The following CLNK variants were observed in gnomAD, a reference collection of about 807,000 sequenced individuals.
The protein encoded by CLNK is cytokine-dependent hematopoietic cell linker.
Under a neutral mutation model 68.6 loss-of-function variants are expected in CLNK, and 74 were observed. The observed-to-expected ratio is 1.08, with a 90% CI of 0.89 to 1.31. CLNK has a LOEUF of 1.31. Among genes scored for constraint, CLNK ranks in the 50% most tolerant of loss-of-function variants. CLNK has a pLI of 0.00. For missense variants in CLNK, 553 were observed against 515.3 expected (o/e 1.07, Z -0.71); for synonymous variants, 198 against 172.2 (o/e 1.15, Z -1.17).
intron 5 of CLNK, among the ~76,000 whole-genome samples, chr4:10,570,045 G>A (rs2108826809): frequency 6.6e-6 from 1 of 152,316 alleles, no homozygotes; most frequent in Non-Finnish European, 1.5e-5. Flanking sequence ...AGGGAGAGAA[G>A]GTGTCTCGGT....
intron 3 of CLNK, among the ~76,000 whole-genome samples, chr4:10,596,188 G>A (rs1721377360): frequency 1.3e-5 from 2 of 152,116 alleles, no homozygotes; most frequent in Admixed American, 1.3e-4. Flanking sequence ...ACCACATCTG[G>A]CTACTTTTGT....
At chr4:10,490,962 G>C (rs573293830) in intron 18 of CLNK, among the ~76,000 whole-genome samples, 1 of 151,978 alleles carries the variant, frequency 6.6e-6, no homozygotes, top group Non-Finnish European at 1.5e-5. Flanking sequence ...ACAGGGTTTC[G>C]CCATGTTGGC....
the CLNK span, among the ~76,000 whole-genome samples, chr4:10,703,906 A>G: frequency 6.6e-6 from 1 of 152,200 alleles, no homozygotes; most frequent in African/African-American, 2.4e-5. Flanking sequence ...TTGTTGACCA[A>G]AATGTCATGT....
At chr4:10,573,106 G>A (rs920465858) in intron 4 of CLNK, among the ~76,000 whole-genome samples, 4 of 152,136 alleles carry the variant, frequency 2.6e-5, no homozygotes, top group Admixed American at 2.0e-4. Flanking sequence ...TGGGATTGCA[G>A]GTATGAGCCA....
chr4:10,520,724 C>G, intron 15 of CLNK, 67 bp downstream of exon 15: 2 of 1,241,874 alleles, frequency 1.6e-6, no homozygotes, highest in Non-Finnish European at 2.3e-6. Context: ...ACAGCTAAGT[C>G]ACAGTGCCAC....
intron 2 of CLNK, among the ~76,000 whole-genome samples, chr4:10,619,820 A>T (rs1722364073): frequency 6.6e-6 from 1 of 152,168 alleles, no homozygotes; most frequent in Admixed American, 6.5e-5. Context: ...TATTTTACAG[A>T]TGAAGAAACT....
chr4:10,507,410 C>T (rs1177529192), intron 17 of CLNK, among the ~76,000 whole-genome samples: 1 of 151,556 alleles, frequency 6.6e-6, no homozygotes, highest in African/African-American at 2.4e-5. Flanking sequence ...CGCATCCGGT[C>T]CTCTCCATGT....
At chr4:10,593,801 C>A (rs531384222) in intron 3 of CLNK, among the ~76,000 whole-genome samples, 1 of 152,270 alleles carries the variant, frequency 6.6e-6, no homozygotes, top group South Asian at 2.1e-4. Context: ...GTGCTAGTGG[C>A]AGAAAGGAAG....
intron 2 of CLNK, among the ~76,000 whole-genome samples, chr4:10,634,445 T>C (rs1176520745): frequency 6.6e-6 from 1 of 152,184 alleles, no homozygotes; most frequent in Non-Finnish European, 1.5e-5. Flanking sequence ...ATTAGTTCTC[T>C]TTATTTCATT....
At chr4:10,707,935 C>T in the CLNK span, among the ~76,000 whole-genome samples, 262 of 152,230 alleles carry the variant, frequency 1.7e-3, 1 homozygote, top group African/African-American at 6.2e-3. Flanking sequence ...ATGTCTTAGA[C>T]CCAAAATAGT....
the CLNK span, among the ~76,000 whole-genome samples, chr4:10,717,522 GGA>G: frequency 3.3e-5 from 5 of 152,124 alleles, no homozygotes; most frequent in Admixed American, 3.3e-4. Flanking sequence ...CTTGAACCCG[GGA>G]GGCAGAGGTT....
chr4:10,494,785 A>C (rs902229236), intron 18 of CLNK, among the ~76,000 whole-genome samples: 11 of 152,118 alleles, frequency 7.2e-5, no homozygotes, highest in African/African-American at 2.7e-4. Context: ...TTGGTTTCTA[A>C]TGATGGGGTC....
intron 4 of CLNK, among the ~76,000 whole-genome samples, chr4:10,575,066 C>T (rs542093492): frequency 4.1e-4 from 63 of 152,258 alleles, no homozygotes; most frequent in African/African-American, 1.4e-3. Flanking sequence ...GTTTTGTCTG[C>T]AGCTTGTCCT....
chr4:10,592,545 G>A (rs1721217723), intron 3 of CLNK, among the ~76,000 whole-genome samples: 1 of 150,982 alleles, frequency 6.6e-6, no homozygotes, highest in South Asian at 2.1e-4. Context: ...TAAGTATCTA[G>A]TAAGTGCCAG....
chr4:10,592,715 G>GTTTATTTA (rs563878191), intron 3 of CLNK, among the ~76,000 whole-genome samples: 1 of 146,394 alleles, frequency 6.8e-6, no homozygotes, highest in African/African-American at 2.5e-5. Context: ...TTGTTTGTTT[G>GTTTATTTA]TTTATTTATT....
chr4:10,496,413 C>T (rs1044391839), intron 18 of CLNK, among the ~76,000 whole-genome samples: 4 of 152,172 alleles, frequency 2.6e-5, no homozygotes, highest in Non-Finnish European at 5.9e-5. Context: ...AAAAGGCTCA[C>T]GCTGTGAAAA....
intron 1 of CLNK, among the ~76,000 whole-genome samples, chr4:10,668,424 A>G (rs1343175158): frequency 1.3e-5 from 2 of 152,342 alleles, no homozygotes; most frequent in East Asian, 3.9e-4. Context: ...ATAAATTAGC[A>G]GCAGAGACCC....
At chr4:10,725,905 C>G in the CLNK span, among the ~76,000 whole-genome samples, 58,489 of 151,516 alleles carry the variant, frequency 0.39, 12,078 homozygotes, top group East Asian at 0.58. Flanking sequence ...CCTATAAATG[C>G]GGTATTGCAG....
chr4:10,550,010 CTTA>C (rs959411697), intron 8 of CLNK, among the ~76,000 whole-genome samples: 2 of 152,218 alleles, frequency 1.3e-5, no homozygotes, highest in Non-Finnish European at 2.9e-5. Flanking sequence ...TCCACCACAA[CTTA>C]TTATGGTGAA....
Sources: gnomAD v4.1 joint callset for allele counts (sites outside exome capture counted in the v4.1 genomes callset) on GRCh38, gnomAD v4.1.1 for gene constraint, MANE v1.5 for transcripts, NCBI Gene and HGNC (gene_info 2026-07-23, HGNC 2026-07-21) for gene names.